Variants in C7orf33 observed in about 807,000 individuals in gnomAD.
The protein encoded by C7orf33 is uncharacterized protein C7orf33.
C7orf33 carries 15 observed loss-of-function variants against 13.4 expected under a neutral mutation model. The ratio of observed to expected loss-of-function variants is 1.12; its 90% CI spans 0.75 to 1.72. The LOEUF (loss-of-function observed/expected upper bound fraction) is 1.72, where lower values mean the gene tolerates loss of function less well. Ranked by LOEUF, C7orf33 falls within the 40% of genes most tolerant of loss-of-function variation. C7orf33 has a pLI of 0.00. For missense variants in C7orf33, 187 were observed against 220.3 expected, an observed-to-expected ratio of 0.85 and a Z score of 0.96; for synonymous variants, 73 against 83.2, an observed-to-expected ratio of 0.88 and a Z score of 0.67.
At chr7:148,598,489 G>C (rs1028830905) in intron 1 of C7orf33, among the ~76,000 whole-genome samples, 1 of 151,768 alleles carries the variant, frequency 6.6e-6, no homozygotes, top group Admixed American at 6.6e-5. Flanking sequence ...CCAATGCCCT[G>C]CTTCCTTAAT....
intron 1 of C7orf33, among the ~76,000 whole-genome samples, chr7:148,598,667 T>C (rs1014898108): frequency 5.8e-5 from 8 of 137,300 alleles, no homozygotes; most frequent in African/African-American, 1.7e-4. Flanking sequence ...TATATATATA[T>C]ACACACACAC....
At chr7:148,593,381 G>C (rs1243680843) in intron 1 of C7orf33, among the ~76,000 whole-genome samples, 1 of 151,998 alleles carries the variant, frequency 6.6e-6, no homozygotes, top group Non-Finnish European at 1.5e-5. Flanking sequence ...TCCTGCCTTA[G>C]CCTCCCAAGT....
At chr7:148,609,670 G>A (rs772060035) in intron 1 of C7orf33, among the ~76,000 whole-genome samples, 32 of 152,188 alleles carry the variant, frequency 2.1e-4, no homozygotes, top group Non-Finnish European at 4.3e-4. Context: ...TCTCCCCGAG[G>A]CTCTGCAGCC....
At chr7:148,610,583 G>A (rs1027244133) in intron 1 of C7orf33, among the ~76,000 whole-genome samples, 5 of 152,074 alleles carry the variant, frequency 3.3e-5, no homozygotes, top group African/African-American at 1.2e-4. Context: ...TATTTTATGT[G>A]TGTATATATA....
At chr7:148,614,321 C>T in intron 2 of C7orf33, 25 bp downstream of exon 2, 1 of 1,598,742 alleles carries the variant, frequency 6.3e-7, no homozygotes, top group Non-Finnish European at 8.6e-7. Context: ...GTCTTAGCAC[C>T]TCCAAGTTTA....
intron 1 of C7orf33, among the ~76,000 whole-genome samples, chr7:148,605,336 T>C (rs1269320741): frequency 6.6e-6 from 1 of 152,190 alleles, no homozygotes; most frequent in Non-Finnish European, 1.5e-5. Context: ...CATTGGTGTC[T>C]CAGCTCCAAC....
intron 1 of C7orf33, among the ~76,000 whole-genome samples, chr7:148,596,481 T>TG (rs936075117): frequency 1.3e-5 from 2 of 152,192 alleles, no homozygotes; most frequent in African/African-American, 4.8e-5. Flanking sequence ...TCCACATGGC[T>TG]GGGGAAGCCT....
chr7:148,600,683 C>T (rs1380714479), intron 1 of C7orf33, among the ~76,000 whole-genome samples: 1 of 151,292 alleles, frequency 6.6e-6, no homozygotes, highest in East Asian at 1.9e-4. Context: ...CTATATGCAT[C>T]TTATTTTGTG....
At chr7:148,598,777 GAGAGAGAGAGAGA>G (rs1585457405) in intron 1 of C7orf33, among the ~76,000 whole-genome samples, 1 of 96,340 alleles carries the variant, frequency 1.0e-5, no homozygotes, top group East Asian at 2.7e-4. Context: ...GAGAGAGAGA[GAGAGAGAGAGAGA>G]GAGAGAGAGA....
chr7:148,592,602 C>T (rs1248362933), intron 1 of C7orf33, among the ~76,000 whole-genome samples: 1 of 151,464 alleles, frequency 6.6e-6, no homozygotes, highest in Non-Finnish European at 1.5e-5. Flanking sequence ...ACAACCTCTG[C>T]CTCCTGGGTT....
intron 1 of C7orf33, among the ~76,000 whole-genome samples, chr7:148,609,103 G>T (rs1252045072): frequency 4.6e-5 from 6 of 131,380 alleles, no homozygotes; most frequent in South Asian, 2.5e-4. Context: ...ACGTTATTTT[G>T]AAAAAAAAAA....
At position 148,603,418 on chromosome 7, in the gene C7orf33, A is replaced by G. The variant is rs75534425; in HGVS notation, c.205-10624A>G. Among the ~76,000 whole-genome samples, 830 of 152,160 alleles carry G rather than the reference A, an allele frequency of 5.5e-3. 8 individuals are homozygous for G. Among genetic ancestry groups the G allele is most frequent in the African/African-American group, 0.019 (772 of 41,530 alleles). ...CTAAAAATACAAAAATTGGCCGAAA[A>G]TCGCTTGAACTTGGGAGGCAGAGGC... On this transcript the variant is annotated intron_variant, in intron 1 of 2. Transcript: ENST00000307003.
At chr7:148,598,763 T>TAGAGAGAGAG (rs774619392) in intron 1 of C7orf33, among the ~76,000 whole-genome samples, 2 of 26,196 alleles carry the variant, frequency 7.6e-5, no homozygotes, top group African/African-American at 1.5e-4. Flanking sequence ...TATATATATA[T>TAGAGAGAGAG]AGAGAGAGAG....
At chr7:148,600,776 T>C (rs1796402918) in intron 1 of C7orf33, among the ~76,000 whole-genome samples, 1 of 151,662 alleles carries the variant, frequency 6.6e-6, no homozygotes, top group African/African-American at 2.4e-5. Flanking sequence ...TTTATTTTTC[T>C]GCTTTCTCCA....
intron 1 of C7orf33, among the ~76,000 whole-genome samples, chr7:148,598,731 T>G (rs1485426745): frequency 4.0e-4 from 11 of 27,258 alleles, no homozygotes; most frequent in African/African-American, 9.6e-4. Flanking sequence ...CCTGGATATA[T>G]ATATATATAT....
intron 1 of C7orf33, among the ~76,000 whole-genome samples, chr7:148,602,354 C>G (rs892262378): frequency 3.3e-5 from 5 of 151,862 alleles, no homozygotes. Context: ...CCAGCCACTT[C>G]GGGAGGCCAA....
chr7:148,606,964 G>A (rs373795831), intron 1 of C7orf33, among the ~76,000 whole-genome samples: 11 of 33,620 alleles, frequency 3.3e-4, no homozygotes, highest in South Asian at 1.2e-3. Flanking sequence ...ACACACACAC[G>A]AGAAAAACAA....
intron 1 of C7orf33, among the ~76,000 whole-genome samples, chr7:148,598,755 TATATATATAG>T (rs1409820668): frequency 2.7e-3 from 139 of 52,438 alleles, no homozygotes; most frequent in East Asian, 4.4e-3. Context: ...TATATATATA[TATATATATAG>T]AGAGAGAGAG....
In C7orf33 at chr7:148,600,799, C is replaced by CTTTTTTT. The variant is rs11373798; in HGVS notation, c.204+9685_204+9691dup. On this transcript the variant is annotated intron_variant, in intron 1 of 2. Coordinates refer to ENST00000307003, the MANE Select transcript of C7orf33 (RefSeq NM_145304.4). ...TCTGCTTTCTCCATTTTATGGACTT[C>CTTTTTTT]TTTTTTTTTTTTTTTTTTTTTGAGA... is the stretch of plus-strand genomic sequence containing the variant. Among the ~76,000 whole-genome samples, 56 of 103,718 alleles carry CTTTTTTT rather than the reference C, an allele frequency of 5.4e-4. 2 individuals are homozygous for CTTTTTTT. The highest frequency in any genetic ancestry group is 2.2e-3 in the African/African-American group (52 of 23,354). 68.0% of individuals were successfully genotyped at this position (103,718 alleles called of 152,430 possible).
Sources: allele counts gnomAD v4.1 joint callset (sites outside exome capture counted in the v4.1 genomes callset), GRCh38; gene constraint gnomAD v4.1.1; transcripts MANE v1.5; gene names NCBI Gene and HGNC (gene_info 2026-07-23, HGNC 2026-07-21).